Variants in PDE4D observed in about 807,000 individuals in gnomAD.
PDE4D encodes the protein 3',5'-cyclic-AMP phosphodiesterase 4D.
In PDE4D, 24 loss-of-function variants were observed where a neutral mutation model predicts 87.4. The ratio of observed to expected loss-of-function variants is 0.27; its 90% confidence interval spans 0.20 to 0.39. The LOEUF (loss-of-function observed/expected upper bound fraction) is 0.39, where lower values mean the gene tolerates loss of function less well. Among genes scored for constraint, PDE4D ranks in the 10% least tolerant of loss-of-function variants. The probability of loss-of-function intolerance (pLI) is 1.00; values close to 1 mark genes in which losing one functional copy is unlikely to be tolerated. For missense variants in PDE4D, 714 were observed against 1,041.0 expected (o/e 0.69, Z 4.32); for synonymous variants, 384 against 383.2 (o/e 1.00, Z -0.02).
At chr5:59,282,035 G>T (rs1292106045) in intron 1 of PDE4D, among the ~76,000 whole-genome samples, 2 of 151,858 alleles carry the variant, frequency 1.3e-5, no homozygotes, top group Non-Finnish European at 2.9e-5. Flanking sequence ...ACCAACATCT[G>T]GTGTGTGTTT....
intron 1 of PDE4D, among the ~76,000 whole-genome samples, chr5:59,225,234 C>T (rs1234978729): frequency 2.0e-5 from 3 of 152,084 alleles, no homozygotes; most frequent in African/African-American, 7.2e-5. Flanking sequence ...TCTAGTTTCC[C>T]CAATACCATT....
intron 5 of PDE4D, among the ~76,000 whole-genome samples, chr5:59,067,421 G>C (rs941169693): frequency 4.6e-5 from 7 of 152,110 alleles, no homozygotes; most frequent in African/African-American, 1.7e-4. Flanking sequence ...TTTCTAAAGA[G>C]AGAAAAAGAT....
chr5:60,418,009 C>A (rs1272106451), intron 1 of PDE4D, among the ~76,000 whole-genome samples: 1 of 152,102 alleles, frequency 6.6e-6, no homozygotes, highest in Non-Finnish European at 1.5e-5. Flanking sequence ...GAAAAAGAGA[C>A]TCCTGAATTA....
chr5:59,694,020 A>G (rs1435659749), intron 1 of PDE4D, among the ~76,000 whole-genome samples: 2 of 152,078 alleles, frequency 1.3e-5, no homozygotes, highest in Non-Finnish European at 2.9e-5. Flanking sequence ...CTCGGGGAGG[A>G]AAAAAAGGAC....
At position 59,788,596 on chromosome 5, in the gene PDE4D, A is replaced by T. The variant is rs893964889; in HGVS notation, c.455+104572T>A. On this transcript the variant is annotated intron_variant, in intron 1 of 14. Transcript: ENST00000340635. ...CTGCTTGACTCCCTGGGTAACAATG[A>T]GACCTAATAAGCCTTGGGGAGTCCA... is the stretch of plus-strand genomic sequence containing the variant. 9.2e-5 allele frequency among the ~76,000 whole-genome samples: 14 copies of T among 152,244 alleles called. No individual in the cohort carries two copies. The East Asian group carries it at 1.5e-3, about 17-fold the overall frequency.
chr5:59,046,089 G>A (rs1477583456), intron 5 of PDE4D, among the ~76,000 whole-genome samples: 2 of 152,100 alleles, frequency 1.3e-5, no homozygotes, highest in Non-Finnish European at 1.5e-5. Flanking sequence ...ATAAGATGGA[G>A]AAAAAAACAA....
At chr5:60,044,505 C>A (rs1351371412) in intron 2 of PDE4D, among the ~76,000 whole-genome samples, 2 of 151,940 alleles carry the variant, frequency 1.3e-5, no homozygotes, top group East Asian at 2.0e-4. Flanking sequence ...CCATTGCTAT[C>A]CCTCCCCCCT....
intron 1 of PDE4D, among the ~76,000 whole-genome samples, chr5:60,243,470 G>C (rs1747361571): frequency 6.6e-6 from 1 of 151,978 alleles, no homozygotes; most frequent in African/African-American, 2.4e-5. Context: ...TACGATGCCA[G>C]TATTACCCTG....
intron 3 of PDE4D, among the ~76,000 whole-genome samples, chr5:59,944,307 T>C (rs769485949): frequency 6.6e-6 from 1 of 152,234 alleles, no homozygotes; most frequent in Non-Finnish European, 1.5e-5. Flanking sequence ...AAATTTTGCA[T>C]TAGGATTGTA....
rs191271678 is a variant in PDE4D at position 59,467,926 on chromosome 5, T to C, written c.456-251958A>G. ...CAAAGCATTTAAGTATATAGCTTCA[T>C]AGCTATACACATGAAATTAAATATT... On this transcript the variant is annotated intron_variant, in intron 1 of 14. Transcript: ENST00000340635. 3.0e-4 allele frequency among the ~76,000 whole-genome samples: 45 copies of C among 152,298 alleles called. No individual in the cohort carries two copies. In the East Asian group the frequency reaches 7.1e-3, roughly 24 times the overall value.
rs565106375 is a variant in PDE4D at position 59,968,427 on chromosome 5, G to C, written c.272+20061C>G. 3.7e-4 allele frequency among the ~76,000 whole-genome samples: 56 copies of C among 152,230 alleles called. No individual in the cohort carries two copies. In the East Asian group the frequency reaches 6.4e-3, roughly 17 times the overall value. ...GAACAATAGACACCATGGACTACTAGAGGGTAGAGGGAGGGTGGGATGCAT... is the reference window on the plus strand; with the variant it reads ...GAACAATAGACACCATGGACTACTACAGGGTAGAGGGAGGGTGGGATGCAT... On this transcript the variant is annotated intron_variant, in intron 3 of 16. Coordinates refer to the PDE4D transcript ENST00000502484.
intron 1 of PDE4D, among the ~76,000 whole-genome samples, chr5:60,419,516 G>A (rs979718575): frequency 1.3e-5 from 2 of 150,978 alleles, no homozygotes; most frequent in African/African-American, 4.9e-5. Context: ...AGAAGAATTA[G>A]GCTACTAGAT....
intron 3 of PDE4D, among the ~76,000 whole-genome samples, chr5:59,979,421 G>GGTGTGTGTGTGT (rs60199601): frequency 0.025 from 3,699 of 147,516 alleles, 115 homozygotes; most frequent in African/African-American, 0.069. Context: ...CACAGCAAGG[G>GGTGTGTGTGTGT]GTGTGTGTGT....
chr5:59,517,777 C>T (rs1445754243), intron 1 of PDE4D, among the ~76,000 whole-genome samples: 1 of 152,106 alleles, frequency 6.6e-6, no homozygotes, highest in African/African-American at 2.4e-5. Flanking sequence ...TTGTTCTTCA[C>T]GTTATTCACA....
intron 1 of PDE4D, among the ~76,000 whole-genome samples, chr5:60,418,890 G>A (rs1742853225): frequency 2.0e-5 from 3 of 150,272 alleles, no homozygotes; most frequent in East Asian, 1.9e-4. Flanking sequence ...GTTATAACAA[G>A]AAACTTGTAA....
At chr5:60,209,187 CTTTT>C (rs58524375) in intron 1 of PDE4D, among the ~76,000 whole-genome samples, 1 of 108,498 alleles carries the variant, frequency 9.2e-6, no homozygotes, top group Admixed American at 1.0e-4. Flanking sequence ...TTCTTTTTTT[CTTTT>C]TTTTTTTTTT....
upstream of PDE4D, chr5:60,491,321 A>G (rs1749519351): frequency 6.6e-6 from 1 of 152,216 alleles, no homozygotes; most frequent in Non-Finnish European, 1.5e-5. Context: ...GGTTCAGATA[A>G]CAAAACACTT....
At chr5:59,773,711 G>C (rs899143969) in intron 1 of PDE4D, among the ~76,000 whole-genome samples, 1 of 151,880 alleles carries the variant, frequency 6.6e-6, no homozygotes, top group Non-Finnish European at 1.5e-5. Context: ...TTTTCATCAT[G>C]ATTATTTTTC....
At position 59,172,520 on chromosome 5, in the gene PDE4D, C is replaced by T. The variant is rs190355152; in HGVS notation, c.808+8075G>A. On this transcript the variant is annotated intron_variant, in intron 5 of 14. Transcript: ENST00000340635. ...GATCAGCCTGGGCAACACGGCAAAA[C>T]GCCGCCTCTACAAAAAATACAAAAA... 5.7e-3 allele frequency among the ~76,000 whole-genome samples: 859 copies of T among 149,424 alleles called. 8 individuals are homozygous for T. The highest frequency in any genetic ancestry group is 0.02 in the African/African-American group (806 of 40,742).
Sources: gnomAD v4.1 joint callset for allele counts (sites outside exome capture counted in the v4.1 genomes callset) on GRCh38, gnomAD v4.1.1 for gene constraint, MANE v1.5 for transcripts, NCBI Gene and HGNC (gene_info 2026-07-23, HGNC 2026-07-21) for gene names.